The following MTUS2 variants were observed in gnomAD, a reference collection of about 807,000 sequenced individuals.
The protein encoded by MTUS2 is microtubule-associated tumor suppressor candidate 2.
A neutral mutation model predicts 114.1 loss-of-function variants in MTUS2; 40 were observed. That is an observed-to-expected ratio of 0.35 (90% CI 0.27 to 0.46). The LOEUF is 0.46. Among genes scored for constraint, MTUS2 ranks in the 20% least tolerant of loss-of-function variants. The pLI, the probability that MTUS2 is intolerant of heterozygous loss-of-function variation, is 1.00. For missense variants in MTUS2, 1,679 were observed against 1,705.4 expected (o/e 0.98, Z 0.27); for synonymous variants, 688 against 672.0 (o/e 1.02, Z -0.37).
chr13:29,043,761 T>C (rs189480306), intron 4 of MTUS2, among the ~76,000 whole-genome samples: 1 of 118,518 alleles, frequency 8.4e-6, no homozygotes, highest in Admixed American at 9.5e-5. Flanking sequence ...CTTTAAACAA[T>C]AAAGTCTGAT....
At chr13:29,356,149 T>C (rs879352874) in intron 7 of MTUS2, among the ~76,000 whole-genome samples, 2 of 152,116 alleles carry the variant, frequency 1.3e-5, no homozygotes, top group Non-Finnish European at 2.9e-5. Flanking sequence ...AAAACACTCC[T>C]ACATCTAAAA....
At chr13:29,343,108 G>C (rs765469830) in intron 7 of MTUS2, among the ~76,000 whole-genome samples, 5 of 152,038 alleles carry the variant, frequency 3.3e-5, no homozygotes, top group Non-Finnish European at 7.4e-5. Context: ...AGGGAAATTG[G>C]TCTGTAATTT....
intron 8 of MTUS2, chr13:29,428,957 G>T (rs1008200768): frequency 1.7e-5 from 27 of 1,565,720 alleles, no homozygotes; most frequent in Non-Finnish European, 2.4e-5. Context: ...AGAGAAAGCC[G>T]TGAGCCAGCC....
At chr13:29,041,507 G>T (rs1006678443) in intron 4 of MTUS2, among the ~76,000 whole-genome samples, 1 of 152,106 alleles carries the variant, frequency 6.6e-6, no homozygotes, top group Non-Finnish European at 1.5e-5. Context: ...GATGGAAATT[G>T]CCTTGAATTT....
chr13:29,325,761 A>G (rs899448140), intron 7 of MTUS2, among the ~76,000 whole-genome samples: 3 of 152,152 alleles, frequency 2.0e-5, no homozygotes, highest in Non-Finnish European at 4.4e-5. Flanking sequence ...ATCTTAATTG[A>G]TTTAATGTCC....
intron 8 of MTUS2, among the ~76,000 whole-genome samples, chr13:29,367,941 T>A (rs1039132308): frequency 2.9e-5 from 2 of 68,914 alleles, no homozygotes; most frequent in African/African-American, 4.9e-5. Context: ...AGAATCTACT[T>A]CTTTTTTTTT....
chr13:29,237,058 A>G (rs1323801329), intron 5 of MTUS2, among the ~76,000 whole-genome samples: 1 of 152,216 alleles, frequency 6.6e-6, no homozygotes. Context: ...GCCTTCCTTG[A>G]TCTAAGAGTT....
At chr13:28,963,438 T>C (rs1158491237) in intron 2 of MTUS2, among the ~76,000 whole-genome samples, 1 of 152,190 alleles carries the variant, frequency 6.6e-6, no homozygotes, top group Non-Finnish European at 1.5e-5. Context: ...CAAAAGTAAA[T>C]GTCCCTTTCA....
At chr13:28,824,840 G>T (rs1415503157) in intron 1 of MTUS2, among the ~76,000 whole-genome samples, 1 of 152,164 alleles carries the variant, frequency 6.6e-6, no homozygotes, top group Non-Finnish European at 1.5e-5. Context: ...TAATATATCA[G>T]GTATGGATAC....
At chr13:29,035,358 C>A (rs1887015002) in intron 4 of MTUS2, among the ~76,000 whole-genome samples, 1 of 152,142 alleles carries the variant, frequency 6.6e-6, no homozygotes, top group South Asian at 2.1e-4. Flanking sequence ...GGATCACCTG[C>A]CAGAGGCTCT....
chr13:29,429,843 C>T (rs573197999), intron 8 of MTUS2, among the ~76,000 whole-genome samples: 202 of 152,254 alleles, frequency 1.3e-3, no homozygotes, highest in Middle Eastern at 3.4e-3. Flanking sequence ...TATACATGCT[C>T]ATCAAAAAGC....
At chr13:29,370,475 TGAAA>T (rs1249906319) in intron 8 of MTUS2, among the ~76,000 whole-genome samples, 2 of 152,088 alleles carry the variant, frequency 1.3e-5, no homozygotes, top group African/African-American at 2.4e-5. Flanking sequence ...CCCTGTCTCT[TGAAA>T]GAAAGAAAGA....
Position 29,024,965 on chromosome 13 carries a change from G to C in MTUS2, c.267G>C (p.Gln89His). 2 of 1,613,248 alleles carry C rather than the reference G, an allele frequency of 1.2e-6. No individual in the cohort carries two copies. The highest frequency in any genetic ancestry group is 2.2e-5 in the South Asian group (2 of 90,992). Residue 89 changes from glutamine to histidine, a missense_variant, in exon 3 of 16, where the codon CAG becomes CAC. This residue lies in a region of MTUS2 where 843 missense variants were observed against 770.8 expected (regional missense o/e 1.09). Coordinates refer to ENST00000612955, the MANE Select transcript of MTUS2 (RefSeq NM_001033602.4). ...TTCAGGGCTTTGGGAAAGGCTCTCA[G>C]GCTGGCTCTGCCAGCCTGAAAGATT... ...HQLQGFGKGS[Q>H]AGSASLKDFR... is the part of the protein sequence containing the mutation.
intron 5 of MTUS2, among the ~76,000 whole-genome samples, chr13:29,121,409 A>G (rs902113071): frequency 4.0e-5 from 6 of 150,124 alleles, no homozygotes; most frequent in African/African-American, 9.9e-5. Context: ...TTATTTCCCT[A>G]TATCAAATTA....
Position 29,501,182 on chromosome 13 carries a change from C to G in MTUS2, c.3884C>G (p.Thr1295Arg). 6.2e-7 allele frequency: 1 copy of G among 1,613,906 alleles called. No homozygotes were observed. Residue 1295 changes from threonine (T) to arginine (R), a missense_variant, in exon 15 of 16, where the codon ACA (threonine) becomes AGA (arginine). By Grantham distance (71) the Thr-to-Arg change is moderately conservative. This residue lies in a region of MTUS2 where 822 missense variants were observed against 899.7 expected (regional missense o/e 0.91). Coordinates refer to ENST00000612955, the MANE Select transcript of MTUS2 (RefSeq NM_001033602.4). Reference sequence around the variant, plus strand: ...CTCAAAGCAAGGATTGACCAAAACACAGTTGTCACCAGGTAGGTGGGCTGG... The same window carrying G: ...CTCAAAGCAAGGATTGACCAAAACAGAGTTGTCACCAGGTAGGTGGGCTGG... ...EDLKARIDQN[T>R]VVTRQLSEEN... is the part of the protein sequence containing the mutation.
At chr13:29,342,637 G>A (rs965840174) in intron 7 of MTUS2, among the ~76,000 whole-genome samples, 2 of 151,954 alleles carry the variant, frequency 1.3e-5, no homozygotes, top group African/African-American at 4.8e-5. Context: ...TTACTGATTT[G>A]GATGCCCTTT....
intron 2 of MTUS2, among the ~76,000 whole-genome samples, chr13:28,978,602 A>G (rs1455043461): frequency 6.6e-6 from 1 of 152,180 alleles, no homozygotes; most frequent in Non-Finnish European, 1.5e-5. Context: ...AGTGATCTCT[A>G]ATTCATTGGA....
chr13:29,046,715 T>C (rs576904183), intron 4 of MTUS2, among the ~76,000 whole-genome samples: 1 of 140,508 alleles, frequency 7.1e-6, no homozygotes, highest in East Asian at 2.1e-4. Flanking sequence ...TGATTCATAG[T>C]ACCCCTCCCC....
At chr13:29,282,266 A>G (rs1403371037) in intron 6 of MTUS2, among the ~76,000 whole-genome samples, 4 of 152,232 alleles carry the variant, frequency 2.6e-5, no homozygotes, top group Non-Finnish European at 4.4e-5. Context: ...GCAGCAGTCC[A>G]GGAGTGCCAT....
Sources: allele counts gnomAD v4.1 joint callset (sites outside exome capture counted in the v4.1 genomes callset), GRCh38; gene constraint gnomAD v4.1.1; regional missense constraint gnomAD v4.1.1; transcripts MANE v1.5; gene names NCBI Gene and HGNC (gene_info 2026-07-23, HGNC 2026-07-21).